The following SLC30A10 variants were observed in gnomAD, a reference collection of about 807,000 sequenced individuals.
SLC30A10 encodes the protein calcium/manganese antiporter SLC30A10.
SLC30A10 carries 8 observed loss-of-function variants against 21.7 expected under a neutral mutation model. The observed-to-expected ratio is 0.37, with a 90% confidence interval of 0.22 to 0.67. SLC30A10 has a LOEUF of 0.67. SLC30A10 is among the 30% of genes least tolerant of loss of function. The pLI, the probability that SLC30A10 is intolerant of heterozygous loss-of-function variation, is 0.58. For synonymous variants in SLC30A10, 272 were observed against 279.4 expected (o/e 0.97, Z 0.26); for missense variants, 521 against 642.5 (o/e 0.81, Z 2.04).
chr1:219,921,641 T>C (rs1659678165), intron 2 of SLC30A10, among the ~76,000 whole-genome samples: 2 of 151,560 alleles, frequency 1.3e-5, no homozygotes, highest in South Asian at 4.2e-4. Context: ...ATATGACTTC[T>C]TAATATTATC....
At chr1:219,951,700 G>A (rs983665326) in intron 1 of SLC30A10, among the ~76,000 whole-genome samples, 1 of 151,258 alleles carries the variant, frequency 6.6e-6, no homozygotes, top group East Asian at 2.0e-4. Context: ...CAGCCTGGAC[G>A]ACAGAGTGAG....
chr1:219,946,258 C>A (rs563630045), intron 1 of SLC30A10, among the ~76,000 whole-genome samples: 51 of 152,202 alleles, frequency 3.4e-4, no homozygotes, highest in African/African-American at 9.9e-4. Flanking sequence ...CATTTGGGGG[C>A]CTCAGAGTTA....
chr1:219,915,609 C>T lies in SLC30A10; in HGVS notation c.1298G>A (p.Gly433Asp), dbSNP rs1330462366. The T allele has an allele frequency of 1.2e-6, 2 of 1,614,120 alleles. No homozygotes were observed. Among genetic ancestry groups the T allele is most frequent in the African/African-American group, 2.7e-5 (2 of 74,934 alleles). ...TCCGTATGTGTCTAGAGAGGGCCCA[C>T]CATTGTGCTCAGCACAGCCATTGAC... Reference protein sequence around the residue: ...AHVNGCAEHNGGPSLDTYGSD... With the variant: ...AHVNGCAEHNDGPSLDTYGSD... The change falls in exon 4 of 4, where the codon GGT becomes GAT. Residue 433 changes from glycine (G) to aspartate (D), a missense_variant. Transcript: ENST00000366926.
intron 1 of SLC30A10, among the ~76,000 whole-genome samples, chr1:219,944,467 A>G (rs543064912): frequency 2.0e-5 from 3 of 152,206 alleles, no homozygotes; most frequent in South Asian, 2.1e-4. Flanking sequence ...ACAAAACAAA[A>G]CAAAACAAAC....
In SLC30A10 at chr1:219,918,414, G is replaced by A. The variant is rs1410526114; in HGVS notation, c.799C>T (p.Leu267=). The change falls in exon 3 of 4, where the codon CTG becomes TTG. Residue 267 remains leucine (L), a synonymous_variant. Coordinates refer to ENST00000366926, the MANE Select transcript of SLC30A10 (RefSeq NM_018713.3). The surrounding 1 kb of genome is among the most constrained non-coding windows in gnomAD (Gnocchi z 4.4). ...CAGTTACACGGGTCCTCACTCTTCA[G>A]GGGAAGCACATAGAATATGATGGCC... ...ITAIIFYVLP[L]KSEDPCNWQC... 1.9e-6 allele frequency: 3 copies of A among 1,614,062 alleles called. No homozygotes were observed. In the Admixed American group the frequency reaches 5.0e-5, roughly 27 times the overall value.
rs1659399888 is a variant in SLC30A10 at position 219,911,148 on chromosome 1, A to ATTTTTT, written c.*4300_*4301insAAAAAA. On this transcript the variant is annotated 3_prime_UTR_variant, in exon 4 of 4. Coordinates refer to ENST00000366926, the MANE Select transcript of SLC30A10 (RefSeq NM_018713.3). ...CATGTTTCTTCATTTTTTCTACATCAGTTTTTTTTTTTTTTTTTTTTTTTT... is the reference window on the plus strand; with the variant it reads ...CATGTTTCTTCATTTTTTCTACATCATTTTTTGTTTTTTTTTTTTTTTTTTTTTTTT... Among the ~76,000 whole-genome samples the ATTTTTT allele has an allele frequency of 7.8e-5, 3 of 38,582 alleles. No individual in the cohort carries two copies. The highest frequency in any genetic ancestry group is 4.1e-4 in the African/African-American group (3 of 7,244). The allele number at this position is 38,582 out of a possible 152,430, so 25.3% of individuals were successfully genotyped here. A position where few individuals can be genotyped will look rare whatever the true frequency, so the allele number is the denominator to read the frequency against.
chr1:219,922,126 T>C (rs1296080959), intron 2 of SLC30A10, among the ~76,000 whole-genome samples: 8 of 148,738 alleles, frequency 5.4e-5, no homozygotes, highest in Non-Finnish European at 1.2e-4. Context: ...TTAATTTTTT[T>C]ACTTTTTAAA....
chr1:219,934,440 G>A (rs1660020140), intron 1 of SLC30A10, among the ~76,000 whole-genome samples: 1 of 151,692 alleles, frequency 6.6e-6, no homozygotes, highest in African/African-American at 2.4e-5. Flanking sequence ...TCCAGCCTGG[G>A]TAACAAAAGT....
chr1:219,953,243 G>T (rs543862785), intron 1 of SLC30A10, among the ~76,000 whole-genome samples: 3 of 152,126 alleles, frequency 2.0e-5, no homozygotes, highest in Non-Finnish European at 2.9e-5. Context: ...TTCTGCCTCC[G>T]ATCTAGAAAG....
chr1:219,932,890 T>C (rs1659989289), upstream of SLC30A10, among the ~76,000 whole-genome samples: 1 of 150,588 alleles, frequency 6.6e-6, no homozygotes, highest in Non-Finnish European at 1.5e-5. Flanking sequence ...GGAGAAACCC[T>C]GTCTCTACTA....
chr1:219,912,721 C>G lies in SLC30A10; in HGVS notation c.*2728G>C, dbSNP rs1221405243. Among the ~76,000 whole-genome samples, 2 of 133,690 alleles carry G rather than the reference C, an allele frequency of 1.5e-5. No individual in the cohort carries two copies. The highest frequency in any genetic ancestry group is 3.5e-5 in the Non-Finnish European group (2 of 57,076). 87.7% of individuals were successfully genotyped at this position (133,690 alleles called of 152,430 possible). On this transcript the variant is annotated 3_prime_UTR_variant, in exon 4 of 4. Transcript: ENST00000366926. ...TGGTGGCGAGCACCTGTAATCCCAG[C>G]TACTCGGGAGGCTGAGGCAGGAGAA...
chr1:219,915,347 G>A lies in SLC30A10; in HGVS notation c.*102C>T. The A allele has an allele frequency of 3.5e-6, 5 of 1,417,232 alleles. No homozygotes were observed. The Admixed American group carries it at 8.5e-5, about 24-fold the overall frequency. 87.8% of individuals were successfully genotyped at this position (1,417,232 alleles called of 1,614,324 possible). A position where few individuals can be genotyped will look rare whatever the true frequency, so the allele number is the denominator to read the frequency against. On this transcript the variant is annotated 3_prime_UTR_variant, in exon 4 of 4. Transcript: ENST00000366926. ...CTAGTGAACACAGAGCATGCATGCT[G>A]CAAGTCTAGTCTGGGCCTACAACCC... is the stretch of plus-strand genomic sequence containing the variant.
intron 2 of SLC30A10, among the ~76,000 whole-genome samples, chr1:219,922,158 T>TTTTGTGTGTGTG (rs1173995661): frequency 4.7e-5 from 2 of 42,838 alleles, no homozygotes; most frequent in African/African-American, 2.2e-4. Flanking sequence ...ACCTTCTTGT[T>TTTTGTGTGTGTG]TGTGTGTGTG....
Position 219,955,704 on chromosome 1 carries a change from G to T in SLC30A10, n.80+2864C>A, listed in dbSNP as rs561466335. Among the ~76,000 whole-genome samples, 25 of 152,260 alleles carry T rather than the reference G, an allele frequency of 1.6e-4. No individual in the cohort carries two copies. The South Asian group carries it at 4.6e-3, about 28-fold the overall frequency. ...CCACAAAACCTGGGGGAGACTGAAG[G>T]CTTGTTAAGCAAAATCTCTAGTTAG... On this transcript the variant is annotated intron_variant and non_coding_transcript_variant, in intron 1 of 8. Coordinates refer to the SLC30A10 transcript ENST00000484239.
At chr1:219,926,960 A>C in intron 2 of SLC30A10, 68 bp downstream of exon 2, 1 of 1,295,644 alleles carries the variant, frequency 7.7e-7, no homozygotes, top group Non-Finnish European at 1.1e-6. Flanking sequence ...AAAGTCAAAC[A>C]GAAATAAACA....
chr1:219,956,559 A>T (rs1360799945), intron 1 of SLC30A10, among the ~76,000 whole-genome samples: 1 of 152,034 alleles, frequency 6.6e-6, no homozygotes, highest in Non-Finnish European at 1.5e-5. Context: ...CACACCTATA[A>T]TCCCAGTGCT....
intron 2 of SLC30A10, among the ~76,000 whole-genome samples, chr1:219,924,841 G>A (rs1659777208): frequency 6.6e-6 from 1 of 152,156 alleles, no homozygotes; most frequent in African/African-American, 2.4e-5. Context: ...CATAAGGTGG[G>A]TACTGTTATT....
Position 219,915,006 on chromosome 1 carries a change from G to A in SLC30A10, c.*443C>T, listed in dbSNP as rs1403649828. 1.3e-5 allele frequency: 2 copies of A among 156,304 alleles called. No individual in the cohort carries two copies. Among genetic ancestry groups the A allele is most frequent in the Non-Finnish European group, 2.8e-5 (2 of 70,788 alleles). The allele number at this position is 156,304 out of a possible 1,614,324, so 9.7% of individuals were successfully genotyped here. On this transcript the variant is annotated 3_prime_UTR_variant, in exon 4 of 4. Coordinates refer to ENST00000366926, the MANE Select transcript of SLC30A10 (RefSeq NM_018713.3). Reference sequence around the variant, plus strand: ...ACTTGCCTCTTTTATGATCGTTAAGGGGATTGGGAAAAATACAGCTATTGT... The same window carrying A: ...ACTTGCCTCTTTTATGATCGTTAAGAGGATTGGGAAAAATACAGCTATTGT...
Position 219,914,291 on chromosome 1 carries a change from T to C in SLC30A10, c.*1158A>G, listed in dbSNP as rs1659479937. The C allele has an allele frequency of 6.6e-6, 1 of 151,874 alleles. No homozygotes were observed. 9.4% of individuals were successfully genotyped at this position (151,874 alleles called of 1,614,324 possible). On this transcript the variant is annotated 3_prime_UTR_variant, in exon 4 of 4. Coordinates refer to ENST00000366926, the MANE Select transcript of SLC30A10 (RefSeq NM_018713.3). The stretch of plus-strand genomic sequence containing the variant: ...GTTTGGTTATGGGTCTGAATCCGAT[T>C]ATAAAAATTTTATTTGAACTTGGTA...
Sources: gnomAD v4.1 joint callset for allele counts (sites outside exome capture counted in the v4.1 genomes callset) on GRCh38, gnomAD v4.1.1 for gene constraint, Gnocchi (gnomAD v3.1) non-coding constraint, MANE v1.5 for transcripts, NCBI Gene and HGNC (gene_info 2026-07-23, HGNC 2026-07-21) for gene names.